Variants in ELP2 observed in about 807,000 individuals in gnomAD.
ELP2 encodes elongator complex protein 2.
In ELP2, 90 loss-of-function variants were observed where a neutral mutation model predicts 119.2. The observed-to-expected ratio is 0.75, with a 90% CI of 0.64 to 0.90. The LOEUF is 0.90. Among genes scored for constraint, ELP2 ranks in the 40% least tolerant of loss-of-function variants. ELP2 has a pLI of 0.00. For missense variants in ELP2, 921 were observed against 967.8 expected (o/e 0.95, Z 0.64); for synonymous variants, 339 against 331.0 (o/e 1.02, Z -0.26).
rs1568014852 is a variant in ELP2, at chr18:36,161,000, G to A, written c.1757G>A (p.Cys586Tyr). Residue 586 changes from cysteine to tyrosine, a missense_variant, in exon 17 of 22, where the codon TGT becomes TAT. By Grantham distance (194) the Cys-to-Tyr change is radical (BLOSUM62 -2). Coordinates refer to ENST00000358232, the MANE Select transcript of ELP2 (RefSeq NM_018255.4). ...TCAAAGACTCTGCTTGCCTCAGCTT[G>A]TAAGGTAGGGAAGTTTACTTTTGAT... Reference protein sequence around the residue: ...NSSKTLLASACKAAKKEHAAI... With the variant: ...NSSKTLLASAYKAAKKEHAAI... 2 of 1,612,620 alleles carry A rather than the reference G, an allele frequency of 1.2e-6. No individual in the cohort carries two copies. The highest frequency in any genetic ancestry group is 2.2e-5 in the South Asian group (2 of 91,050).
chr18:36,177,889 C>A lies in ELP2; in HGVS notation c.*3248C>A, dbSNP rs183166480. On this transcript the variant is annotated 3_prime_UTR_variant, in exon 22 of 22. Coordinates refer to ENST00000358232, the MANE Select transcript of ELP2 (RefSeq NM_018255.4). ...TTTCACAAACATTATACTTCAGAGT[C>A]CCAAAGCCTTTAAATAAAATGTTAA... The A allele has an allele frequency of 1.4e-4, 21 of 152,252 alleles. No individual in the cohort carries two copies. The highest frequency in any genetic ancestry group is 3.4e-3 in the Middle Eastern group (1 of 294). 9.4% of individuals were successfully genotyped at this position (152,252 alleles called of 1,614,324 possible). A position where few individuals can be genotyped will look rare whatever the true frequency, so the allele number is the denominator to read the frequency against.
rs911477938 is a variant in ELP2 at position 36,160,866 on chromosome 18, C to T, written c.1689-66C>T. On this transcript the variant is annotated intron_variant, in intron 16 of 21. Coordinates refer to ENST00000358232, the MANE Select transcript of ELP2 (RefSeq NM_018255.4). ...AGGTTGATGTTATTCTTTTTACTTT[C>T]AAAAATTGTGTGGCATGAGAATAGA... 3.3e-5 allele frequency: 36 copies of T among 1,089,650 alleles called. 1 individual carries two copies. In the Middle Eastern group the frequency reaches 6.3e-4, roughly 19 times the overall value. 67.5% of individuals were successfully genotyped at this position (1,089,650 alleles called of 1,614,324 possible). A position where few individuals can be genotyped will look rare whatever the true frequency, so the allele number is the denominator to read the frequency against.
At chr18:36,135,237 C>A (rs2089783608) in intron 2 of ELP2, among the ~76,000 whole-genome samples, 1 of 152,184 alleles carries the variant, frequency 6.6e-6, no homozygotes, top group South Asian at 2.1e-4. Context: ...TAATCTATAA[C>A]TATTATGATT....
chr18:36,134,182 C>G (rs1437602102), intron 2 of ELP2, among the ~76,000 whole-genome samples: 1 of 152,008 alleles, frequency 6.6e-6, no homozygotes. Context: ...TAGTTTGCAC[C>G]TTAATAACAT....
chr18:36,145,723 GTTAT>G (rs2090176522), intron 9 of ELP2, among the ~76,000 whole-genome samples: 1 of 152,190 alleles, frequency 6.6e-6, no homozygotes, highest in Non-Finnish European at 1.5e-5. Context: ...TGAAGCTCTA[GTTAT>G]TTGTTTTTAT....
At chr18:36,158,795 T>G (rs559824874) in intron 13 of ELP2, 40 bp from the exon 14 acceptor site, 1 of 1,384,636 alleles carries the variant, frequency 7.2e-7, no homozygotes, top group East Asian at 2.3e-5. Context: ...CAAATAAAAC[T>G]TTAGCATTTA....
At position 36,167,144 on chromosome 18, in the gene ELP2, T is replaced by C. The variant is rs1335189121; in HGVS notation, c.1998T>C (p.Ser666=). The change falls in exon 19 of 22, where the codon TCT becomes TCC. Residue 666 remains serine, a synonymous_variant. Coordinates refer to ENST00000358232, the MANE Select transcript of ELP2 (RefSeq NM_018255.4). ...SLFAFTNKIT[S]VHSRIIWSCD... ...TTGCCTTCACCAACAAAATTACTTC[T>C]GTGCACAGTAGAATTATTTGGTCTT... 8.7e-6 allele frequency: 14 copies of C among 1,603,172 alleles called. No homozygotes were observed. Among genetic ancestry groups the C allele is most frequent in the Non-Finnish European group, 1.1e-5 (13 of 1,174,116 alleles).
At chr18:36,169,958 A>G (rs1258228292) in intron 19 of ELP2, 105 bp from the exon 20 acceptor site, 1 of 1,464,980 alleles carries the variant, frequency 6.8e-7, no homozygotes, top group Admixed American at 1.7e-5. Flanking sequence ...ATTTTTTAAA[A>G]TACCAGAGCA....
Position 36,159,753 on chromosome 18 carries a change from C to T in ELP2, c.1553C>T (p.Pro518Leu). The change falls in exon 15 of 22, where the codon CCT becomes CTT. Residue 518 changes from proline to leucine, a missense_variant. Physicochemically the swap from Pro to Leu is moderately conservative, Grantham distance 98 (BLOSUM62 -3). Transcript: ENST00000358232. ...AAACTAGGAGATATAGCTTCTCAGC[C>T]TTCTGATGAAGAGGAGCTGTTAACT... ...AVFQGDIASQ[P>L]SDEEELLTST... 6.2e-7 allele frequency: 1 copy of T among 1,613,696 alleles called. No individual in the cohort carries two copies. The highest frequency in any genetic ancestry group is 1.1e-5 in the South Asian group (1 of 91,072).
intron 1 of ELP2, among the ~76,000 whole-genome samples, chr18:36,132,271 C>T (rs1033519327): frequency 1.3e-5 from 2 of 152,162 alleles, no homozygotes; most frequent in South Asian, 4.1e-4. Context: ...TTCAGCAAAT[C>T]TTCGACGACC....
chr18:36,168,985 C>T (rs888595592), intron 19 of ELP2, among the ~76,000 whole-genome samples: 3 of 122,784 alleles, frequency 2.4e-5, no homozygotes, highest in African/African-American at 3.2e-5. Flanking sequence ...AGTGCAGTGG[C>T]GTGATCTTGG....
intron 13 of ELP2, chr18:36,158,535 G>T (rs1021591724): frequency 1.1e-5 from 3 of 279,924 alleles, no homozygotes; most frequent in Non-Finnish European, 2.1e-5. Context: ...GAAACCCATT[G>T]AAATGTTATG....
At position 36,163,275 on chromosome 18, in the gene ELP2, G is replaced by GGTGTGTGTGTGTGTGTGT. The variant is rs59728775; in HGVS notation, c.1762-1193_1762-1176dup. On this transcript the variant is annotated intron_variant, in intron 17 of 21. Transcript: ENST00000358232. ...TATGGCCGAGTAGTAGTTCATGGGG[G>GGTGTGTGTGTGTGTGTGT]GTGTGTGTGTGTGTGTGTGTGTGTA... Among the ~76,000 whole-genome samples, 108 of 145,484 alleles carry GGTGTGTGTGTGTGTGTGT rather than the reference G, an allele frequency of 7.4e-4. No homozygotes were observed. The East Asian group carries it at 0.015, about 21-fold the overall frequency.
At chr18:36,170,565 C>T (rs767037986) in intron 20 of ELP2, among the ~76,000 whole-genome samples, 1 of 152,128 alleles carries the variant, frequency 6.6e-6, no homozygotes, top group Admixed American at 6.5e-5. Flanking sequence ...CCATCTGCCT[C>T]GTCCTCCCAA....
chr18:36,140,116 T>A (rs1221396554), intron 5 of ELP2, among the ~76,000 whole-genome samples: 1 of 152,040 alleles, frequency 6.6e-6, no homozygotes, highest in Non-Finnish European at 1.5e-5. Flanking sequence ...AGTGCTGGGA[T>A]CACAGATGTG....
chr18:36,142,915 G>A lies in ELP2; in HGVS notation c.745G>A (p.Asp249Asn), dbSNP rs766305463. Residue 249 changes from aspartate (D) to asparagine (N), a missense_variant, in exon 8 of 22, where the codon GAT (aspartate) becomes AAT (asparagine). Asp to Asn is a conservative substitution (Grantham distance 23, BLOSUM62 1). Coordinates refer to ENST00000358232, the MANE Select transcript of ELP2 (RefSeq NM_018255.4). ...AAAGTCAACATCTTTAGAAACTCAG[G>A]ATGACGATAACATAAGACTGAAAGA... ...YIKSTSLETQ[D>N]DDNIRLKENT... 1 of 1,599,226 alleles carries A rather than the reference G, an allele frequency of 6.3e-7. No individual in the cohort carries two copies. Among genetic ancestry groups the A allele is most frequent in the Non-Finnish European group, 8.6e-7 (1 of 1,169,102 alleles).
At chr18:36,158,554 A>C in intron 13 of ELP2, 1 of 328,862 alleles carries the variant, frequency 3.0e-6, no homozygotes. Flanking sequence ...TGGTTCGATG[A>C]GGTCCCTTTA....
chr18:36,144,948 T>C lies in ELP2; in HGVS notation c.806T>C (p.Ile269Thr), dbSNP rs771445617. ...TFTIENESVK[I>T]AFAVTLETVL... The stretch of plus-strand genomic sequence containing the variant: ...ATTGCTTTTGTTATAGGTGTTAAAA[T>C]AGCATTTGCTGTTACTCTGGAGACA... The change falls in exon 9 of 22, where the codon ATA becomes ACA. Residue 269 changes from isoleucine to threonine, a missense_variant. Transcript: ENST00000358232. 6.2e-7 allele frequency: 1 copy of C among 1,613,244 alleles called. No individual in the cohort carries two copies. Among genetic ancestry groups the C allele is most frequent in the Non-Finnish European group, 8.5e-7 (1 of 1,179,190 alleles).
intron 17 of ELP2, among the ~76,000 whole-genome samples, chr18:36,162,796 C>G (rs1160739730): frequency 6.6e-6 from 1 of 152,130 alleles, no homozygotes; most frequent in Non-Finnish European, 1.5e-5. Context: ...TTATATTTCT[C>G]TAATGATATT....
Sources: gnomAD v4.1 joint callset for allele counts (sites outside exome capture counted in the v4.1 genomes callset) on GRCh38, gnomAD v4.1.1 for gene constraint, MANE v1.5 for transcripts, NCBI Gene and HGNC (gene_info 2026-07-23, HGNC 2026-07-21) for gene names.